Variants in MTUS2 observed in about 807,000 individuals in gnomAD.
MTUS2 encodes the protein microtubule associated scaffold protein 2.
MTUS2 carries 40 observed loss-of-function variants against 114.1 expected under a neutral mutation model. That is an observed-to-expected ratio of 0.35 (90% CI 0.27 to 0.46). The LOEUF (loss-of-function observed/expected upper bound fraction) is 0.46, where lower values mean the gene tolerates loss of function less well. Among genes scored for constraint, MTUS2 ranks in the 20% least tolerant of loss-of-function variants. MTUS2 has a pLI of 1.00. For missense variants in MTUS2, 1,679 were observed against 1,705.4 expected (o/e 0.98, Z 0.27); for synonymous variants, 688 against 672.0 (o/e 1.02, Z -0.37).
chr13:29,224,089 TG>T (rs1896013063), intron 5 of MTUS2, among the ~76,000 whole-genome samples: 1 of 152,178 alleles, frequency 6.6e-6, no homozygotes, highest in South Asian at 2.1e-4. Context: ...GGATCCAGGC[TG>T]GTAGCACAAG....
At chr13:29,414,451 A>G (rs1458481733) in intron 8 of MTUS2, among the ~76,000 whole-genome samples, 2 of 90,740 alleles carry the variant, frequency 2.2e-5, no homozygotes, top group Admixed American at 2.7e-4. Flanking sequence ...AACTTAGAGT[A>G]TAATAAAAAA....
intron 8 of MTUS2, among the ~76,000 whole-genome samples, chr13:29,417,327 T>A (rs921709351): frequency 6.6e-6 from 1 of 152,182 alleles, no homozygotes; most frequent in African/African-American, 2.4e-5. Context: ...TTCCACCAGG[T>A]CCCACCTTCA....
At chr13:29,466,324 C>T (rs1879882008) in intron 9 of MTUS2, among the ~76,000 whole-genome samples, 1 of 152,230 alleles carries the variant, frequency 6.6e-6, no homozygotes, top group Non-Finnish European at 1.5e-5. Context: ...CATCAACACA[C>T]TCTTGGGCTA....
At chr13:29,092,774 A>G (rs1022742205) in intron 4 of MTUS2, among the ~76,000 whole-genome samples, 8 of 152,158 alleles carry the variant, frequency 5.3e-5, no homozygotes, top group Non-Finnish European at 1.2e-4. Flanking sequence ...GTGACAGAAA[A>G]ATCATGTATC....
intron 2 of MTUS2, among the ~76,000 whole-genome samples, chr13:28,944,859 T>C (rs1174958062): frequency 1.3e-5 from 2 of 152,188 alleles, no homozygotes; most frequent in East Asian, 3.8e-4. Context: ...GGGGCACAAG[T>C]GCAGTTTTGT....
chr13:29,370,166 AT>A (rs1871083762), intron 8 of MTUS2, among the ~76,000 whole-genome samples: 1 of 152,184 alleles, frequency 6.6e-6, no homozygotes, highest in African/African-American at 2.4e-5. Context: ...CCTGGGCAAC[AT>A]GGCAAAACCT....
chr13:28,882,703 C>T (rs1461436478), intron 2 of MTUS2, among the ~76,000 whole-genome samples: 1 of 152,150 alleles, frequency 6.6e-6, no homozygotes. Flanking sequence ...TGCTATTACA[C>T]ACCAGCCTGG....
chr13:29,366,636 G>C (rs1870741456), intron 8 of MTUS2, among the ~76,000 whole-genome samples: 1 of 152,180 alleles, frequency 6.6e-6, no homozygotes, highest in African/African-American at 2.4e-5. Context: ...TCACGGTTTT[G>C]AAAATATAAG....
At chr13:29,226,011 T>A (rs2139340649) in intron 5 of MTUS2, among the ~76,000 whole-genome samples, 1 of 152,314 alleles carries the variant, frequency 6.6e-6, no homozygotes. Context: ...GGGTTGTATC[T>A]CCAAAAATGC....
At chr13:29,116,071 C>A (rs552686664) in intron 5 of MTUS2, among the ~76,000 whole-genome samples, 2 of 152,248 alleles carry the variant, frequency 1.3e-5, no homozygotes, top group African/African-American at 4.8e-5. Flanking sequence ...CATACCGAGA[C>A]ATAAGTAAAA....
At chr13:28,949,195 G>T (rs531199857) in intron 2 of MTUS2, among the ~76,000 whole-genome samples, 25 of 152,072 alleles carry the variant, frequency 1.6e-4, no homozygotes, top group African/African-American at 6.0e-4. Flanking sequence ...CTCTTCTCCC[G>T]TTCATTGAGC....
intron 2 of MTUS2, among the ~76,000 whole-genome samples, chr13:28,912,252 A>G (rs1003333449): frequency 1.3e-5 from 2 of 152,156 alleles, no homozygotes. Context: ...TCCCAGCACC[A>G]TTTATTAAAT....
intron 2 of MTUS2, among the ~76,000 whole-genome samples, chr13:28,991,810 G>A (rs934606213): frequency 1.3e-5 from 2 of 152,166 alleles, no homozygotes; most frequent in Non-Finnish European, 2.9e-5. Context: ...GTTGGAGGCA[G>A]CACCCAGGTA....
At chr13:29,346,134 G>T (rs554542047) in intron 7 of MTUS2, among the ~76,000 whole-genome samples, 6 of 152,136 alleles carry the variant, frequency 3.9e-5, no homozygotes, top group Non-Finnish European at 8.8e-5. Context: ...TTGGTTGGCC[G>T]CCAGCCAGGA....
chr13:29,138,081 A>G (rs1892059461), intron 5 of MTUS2, among the ~76,000 whole-genome samples: 1 of 152,116 alleles, frequency 6.6e-6, no homozygotes, highest in Non-Finnish European at 1.5e-5. Flanking sequence ...CAGATCCTTG[A>G]CATTTGGAAG....
chr13:29,389,833 ATATACATACATATG>A (rs1873194197), intron 8 of MTUS2, among the ~76,000 whole-genome samples: 1 of 7,868 alleles, frequency 1.3e-4, no homozygotes, highest in African/African-American at 1.4e-4. Flanking sequence ...ATATGTGTAT[ATATACATACATATG>A]TGTATATATA....
chr13:29,266,317 C>A (rs1684630143), intron 5 of MTUS2, among the ~76,000 whole-genome samples: 1 of 152,144 alleles, frequency 6.6e-6, no homozygotes, highest in Non-Finnish European at 1.5e-5. Flanking sequence ...CAAAGTCAGA[C>A]ACAAGTAAGA....
chr13:29,432,630 C>T (rs1433280792), intron 8 of MTUS2, among the ~76,000 whole-genome samples: 1 of 152,118 alleles, frequency 6.6e-6, no homozygotes, highest in Non-Finnish European at 1.5e-5. Flanking sequence ...CTCCCATATC[C>T]CCGCTCCCCT....
intron 5 of MTUS2, among the ~76,000 whole-genome samples, chr13:29,205,891 A>T (rs1895164766): frequency 6.6e-6 from 1 of 152,148 alleles, no homozygotes; most frequent in Non-Finnish European, 1.5e-5. Context: ...TATCTTTTTC[A>T]TATAATGATT....
Sources: gnomAD v4.1 joint callset for allele counts (sites outside exome capture counted in the v4.1 genomes callset) on GRCh38, gnomAD v4.1.1 for gene constraint, MANE v1.5 for transcripts, NCBI Gene and HGNC (gene_info 2026-07-23, HGNC 2026-07-21) for gene names.